CTNNA2: variants seen among roughly 807,000 people sequenced by gnomAD.
CTNNA2 encodes the protein catenin alpha-2.
Under a neutral mutation model 101.0 loss-of-function variants are expected in CTNNA2, and 42 were observed. The ratio of observed to expected loss-of-function variants is 0.42; its 90% confidence interval spans 0.32 to 0.54. CTNNA2 has a LOEUF of 0.54. CTNNA2 is among the 20% of genes least tolerant of loss of function. CTNNA2 has a pLI of 0.14. For synonymous variants in CTNNA2, 450 were observed against 456.4 expected, an observed-to-expected ratio of 0.99 and a Z score of 0.18; for missense variants, 871 against 1,223.1, an observed-to-expected ratio of 0.71 and a Z score of 4.29.
chr2:79,232,301 A>C lies in CTNNA2; in HGVS notation c.-406+34225A>C, dbSNP rs565915112. On this transcript the variant is annotated intron_variant, in intron 2 of 21. Coordinates refer to the CTNNA2 transcript ENST00000466387. ...ATTTTATCTAAGACTTTTTTTTTCC[A>C]TCTATTGAGGTAATCATATGGTGTT... 1.2e-3 allele frequency among the ~76,000 whole-genome samples: 188 copies of C among 151,586 alleles called. 3 individuals carry two copies. The highest frequency in any genetic ancestry group is 0.012 in the Admixed American group (178 of 15,232).
At chr2:80,371,551 C>T (rs1047240654) in intron 7 of CTNNA2, among the ~76,000 whole-genome samples, 2 of 134,748 alleles carry the variant, frequency 1.5e-5, no homozygotes, top group South Asian at 2.3e-4. Flanking sequence ...TTGAGGAAAT[C>T]AGGGATTTTT....
chr2:79,534,328 A>G (rs1443674793), intron 1 of CTNNA2, among the ~76,000 whole-genome samples: 1 of 152,118 alleles, frequency 6.6e-6, no homozygotes, highest in Non-Finnish European at 1.5e-5. Flanking sequence ...ATTACTTTCT[A>G]TTAAAAACTG....
chr2:80,254,261 C>A (rs1377574972), intron 7 of CTNNA2, among the ~76,000 whole-genome samples: 2 of 152,084 alleles, frequency 1.3e-5, no homozygotes, highest in African/African-American at 4.8e-5. Flanking sequence ...TATGTGCATT[C>A]TTTATTCATT....
chr2:80,035,082 A>G (rs1230998326), intron 7 of CTNNA2, among the ~76,000 whole-genome samples: 1 of 152,222 alleles, frequency 6.6e-6, no homozygotes, highest in Non-Finnish European at 1.5e-5. Flanking sequence ...ATACAAATGA[A>G]CATTATGTAA....
rs57179557 is a variant in CTNNA2, at chr2:80,374,682, CGTGT to C, written c.1057-18498_1057-18495del. Among the ~76,000 whole-genome samples the C allele has an allele frequency of 8.6e-3, 1,146 of 133,996 alleles. 6 individuals are homozygous for C. Among genetic ancestry groups the C allele is most frequent in the Non-Finnish European group, 0.012 (768 of 63,852 alleles). The allele number at this position is 133,996 out of a possible 152,430, so 87.9% of individuals were successfully genotyped here. On this transcript the variant is annotated intron_variant, in intron 7 of 18. Transcript: ENST00000402739. ...TGTCTTTCCTCTGCGTGCGTGCGTG[CGTGT>C]GTGTGTGTGTGTGTGTGTGTGTGTG...
At chr2:79,292,562 G>C (rs929079722) in intron 2 of CTNNA2, among the ~76,000 whole-genome samples, 9 of 152,234 alleles carry the variant, frequency 5.9e-5, no homozygotes, top group African/African-American at 2.2e-4. Context: ...AATTTTCCCA[G>C]TTTGTCTTTA....
intron 4 of CTNNA2, among the ~76,000 whole-genome samples, chr2:79,472,552 T>C (rs1007568269): frequency 6.6e-6 from 1 of 152,216 alleles, no homozygotes. Flanking sequence ...ATTCAAGAAA[T>C]CTAACAGCTT....
Position 80,613,629 on chromosome 2 carries a change from T to TA in CTNNA2, c.2430+5319dup, listed in dbSNP as rs967872842. Among the ~76,000 whole-genome samples, 13 of 151,126 alleles carry TA rather than the reference T, an allele frequency of 8.6e-5. No individual in the cohort carries two copies. In the East Asian group the frequency reaches 1.4e-3, roughly 16 times the overall value. ...TACCAATATAATCAGTTATGGCCAT[T>TA]AAAAAAAATCAGTTATTCATTGATG... On this transcript the variant is annotated intron_variant, in intron 17 of 18. Transcript: ENST00000402739.
At chr2:80,311,462 A>G (rs1372662814) in intron 7 of CTNNA2, among the ~76,000 whole-genome samples, 1 of 152,146 alleles carries the variant, frequency 6.6e-6, no homozygotes, top group African/African-American at 2.4e-5. Context: ...CCTTGGAATC[A>G]TTCTTCCTCT....
chr2:80,130,664 A>G (rs954077295), intron 7 of CTNNA2, among the ~76,000 whole-genome samples: 3 of 152,210 alleles, frequency 2.0e-5, no homozygotes, highest in Non-Finnish European at 4.4e-5. Context: ...AGAACCTAGA[A>G]TGAGAATAGA....
intron 9 of CTNNA2, among the ~76,000 whole-genome samples, chr2:80,513,130 T>C (rs1235772084): frequency 6.6e-6 from 1 of 152,200 alleles, no homozygotes. Context: ...GTGGTCCTGA[T>C]ACCAGAAACT....
At chr2:80,554,045 TCAG>T (rs975715837) in intron 11 of CTNNA2, among the ~76,000 whole-genome samples, 1 of 152,204 alleles carries the variant, frequency 6.6e-6, no homozygotes, top group African/African-American at 2.4e-5. Context: ...AATGTAGAAA[TCAG>T]CAATTTATAA....
chr2:80,070,368 C>T (rs1279581796), intron 7 of CTNNA2, among the ~76,000 whole-genome samples: 2 of 152,090 alleles, frequency 1.3e-5, no homozygotes, highest in Non-Finnish European at 2.9e-5. Flanking sequence ...AACACATTAT[C>T]ACAAACTTGG....
chr2:80,212,126 A>G (rs907091136), intron 7 of CTNNA2, among the ~76,000 whole-genome samples: 6 of 152,182 alleles, frequency 3.9e-5, no homozygotes, highest in African/African-American at 2.4e-5. Context: ...GGCGGAGACA[A>G]TGGGGTTTTC....
At chr2:80,396,639 C>T (rs955798628) in intron 8 of CTNNA2, among the ~76,000 whole-genome samples, 14 of 152,226 alleles carry the variant, frequency 9.2e-5, no homozygotes, top group African/African-American at 3.4e-4. Context: ...ATTTTTCCTA[C>T]AATTACAGGG....
At chr2:80,227,875 C>G (rs564685497) in intron 7 of CTNNA2, among the ~76,000 whole-genome samples, 127 of 152,180 alleles carry the variant, frequency 8.3e-4, no homozygotes, top group African/African-American at 2.9e-3. Flanking sequence ...TTAAAGGACC[C>G]CAGTGGAGAA....
intron 7 of CTNNA2, among the ~76,000 whole-genome samples, chr2:79,954,845 G>A (rs1301162777): frequency 2.6e-5 from 4 of 152,136 alleles, no homozygotes; most frequent in African/African-American, 9.7e-5. Context: ...GAACATAAAT[G>A]AGTTATGAGG....
chr2:80,205,945 A>G (rs547563382), intron 7 of CTNNA2, among the ~76,000 whole-genome samples: 2 of 152,346 alleles, frequency 1.3e-5, no homozygotes, highest in South Asian at 2.1e-4. Flanking sequence ...TTTAAAACAT[A>G]TTTATAAAGC....
At chr2:80,549,588 C>A (rs1338258177) in intron 11 of CTNNA2, among the ~76,000 whole-genome samples, 2 of 152,078 alleles carry the variant, frequency 1.3e-5, no homozygotes, top group African/African-American at 4.8e-5. Flanking sequence ...TTAGAGTGTG[C>A]CACCCAAACA....
Sources: allele counts gnomAD v4.1 joint callset (sites outside exome capture counted in the v4.1 genomes callset), GRCh38; gene constraint gnomAD v4.1.1; transcripts MANE v1.5; gene names NCBI Gene and HGNC (gene_info 2026-07-23, HGNC 2026-07-21).